The following ITPR1 variants were observed in gnomAD, a reference collection of about 807,000 sequenced individuals.
ITPR1 encodes inositol 1,4,5-trisphosphate receptor type 1.
A neutral mutation model predicts 318.4 loss-of-function variants in ITPR1; 96 were observed. The ratio of observed to expected loss-of-function variants is 0.30; its 90% CI spans 0.26 to 0.36. ITPR1 has a LOEUF of 0.36. Ranked by LOEUF, ITPR1 falls within the 10% of genes least tolerant of loss-of-function variation. ITPR1 has a pLI of 1.00. For synonymous variants in ITPR1, 1,312 were observed against 1,289.9 expected, an observed-to-expected ratio of 1.02 and a Z score of -0.37; for missense variants, 2,440 against 3,460.2, an observed-to-expected ratio of 0.71 and a Z score of 7.40.
intron 2 of ITPR1, among the ~76,000 whole-genome samples, chr3:4,498,053 G>A (rs1482718457): frequency 6.6e-6 from 1 of 152,152 alleles, no homozygotes; most frequent in Admixed American, 6.5e-5. Context: ...AAGACAGGAA[G>A]GGGGAGTTAG....
At chr3:4,646,585 G>A (rs181672868) in intron 10 of ITPR1, among the ~76,000 whole-genome samples, 218 of 152,300 alleles carry the variant, frequency 1.4e-3, no homozygotes, top group South Asian at 2.5e-3. Flanking sequence ...TATGGGCAGG[G>A]GAGAAATTTG....
intron 44 of ITPR1, among the ~76,000 whole-genome samples, chr3:4,748,445 A>AT (rs34606150): frequency 0.53 from 79,934 of 151,344 alleles, 21,992 homozygotes; most frequent in East Asian, 0.97. Context: ...ATGGAAGCAC[A>AT]TTTTTTTTTA....
chr3:4,496,844 A>G (rs1575299321), intron 2 of ITPR1, among the ~76,000 whole-genome samples: 1 of 152,336 alleles, frequency 6.6e-6, no homozygotes, highest in East Asian at 1.9e-4. Context: ...TTAGAAAACA[A>G]ACAAAAATAA....
chr3:4,715,052 T>C (rs2041664613), intron 39 of ITPR1, among the ~76,000 whole-genome samples: 1 of 152,262 alleles, frequency 6.6e-6, no homozygotes, highest in South Asian at 2.1e-4. Context: ...GCCTCAGAGA[T>C]AGATACCACT....
chr3:4,571,753 C>G (rs572661788), intron 4 of ITPR1, among the ~76,000 whole-genome samples: 5 of 152,166 alleles, frequency 3.3e-5, no homozygotes, highest in Admixed American at 6.5e-5. Flanking sequence ...ATAAACAGAA[C>G]AGGGAAGCTC....
intron 3 of ITPR1, among the ~76,000 whole-genome samples, chr3:4,516,809 T>TA (rs770468426): frequency 6.6e-6 from 1 of 152,246 alleles, no homozygotes. Context: ...TTTAGGACAC[T>TA]ATTCTGAGTT....
chr3:4,815,297 T>A, intron 59 of ITPR1, 79 bp downstream of exon 59: 1 of 1,417,206 alleles, frequency 7.1e-7, no homozygotes, highest in Non-Finnish European at 9.7e-7. Context: ...GAGGGTGTGA[T>A]GGGCGGGGTG....
At chr3:4,569,115 T>C (rs537875500) in intron 4 of ITPR1, among the ~76,000 whole-genome samples, 85 of 152,272 alleles carry the variant, frequency 5.6e-4, no homozygotes, top group African/African-American at 2.0e-3. Context: ...TGGAGACAAA[T>C]ATCCAAACTC....
chr3:4,563,330 A>G (rs1017184932), intron 4 of ITPR1, among the ~76,000 whole-genome samples: 1 of 152,058 alleles, frequency 6.6e-6, no homozygotes, highest in Admixed American at 6.5e-5. Flanking sequence ...CAACATAGGG[A>G]CACCGTACGT....
chr3:4,801,226 T>C (rs986553226), intron 54 of ITPR1, among the ~76,000 whole-genome samples: 3 of 152,184 alleles, frequency 2.0e-5, no homozygotes, highest in Non-Finnish European at 2.9e-5. Context: ...GGAGAAAATT[T>C]GGACATGTGA....
At position 4,813,201 on chromosome 3, in the gene ITPR1, G is replaced by A. The variant is rs868822649; in HGVS notation, c.7528G>A (p.Gly2510Arg). The A allele has an allele frequency of 1.2e-5, 20 of 1,613,468 alleles. No individual in the cohort carries two copies. Among genetic ancestry groups the A allele is most frequent in the African/African-American group, 1.2e-4 (9 of 74,894 alleles). ...CTCCGATGTGTGTAGGGTGGAGAGT[G>A]GGGAGAACTGCTCCTCTCCTGCACC... ...LFSDVCRVES[G>R]ENCSSPAPRE... is the part of the protein sequence containing the mutation. The change falls in exon 57 of 62, where the codon GGG (glycine) becomes AGG (arginine). Residue 2510 changes from glycine to arginine, a missense_variant. Around this residue, in one of 23 missense-constraint regions of ITPR1, gnomAD observed 88 missense variants for 90.5 expected, o/e 0.97. Coordinates refer to ENST00000649015, the MANE Select transcript of ITPR1 (RefSeq NM_001378452.1).
intron 10 of ITPR1, among the ~76,000 whole-genome samples, chr3:4,649,257 A>G (rs2093538913): frequency 1.3e-5 from 2 of 152,230 alleles, no homozygotes; most frequent in African/African-American, 2.4e-5. Flanking sequence ...ATATTTTTGC[A>G]TAGTTGATAC....
rs546069993 is a variant in ITPR1 at position 4,555,884 on chromosome 3, A to G, written c.163+34790A>G. On this transcript the variant is annotated intron_variant, in intron 4 of 61. Coordinates refer to ENST00000649015, the MANE Select transcript of ITPR1 (RefSeq NM_001378452.1). Reference sequence around the variant, plus strand: ...GTCTGTCTTATAGATGAAGAAACTGAGGCAGGAAGAAATTAAACCATCTGC... The same window carrying G: ...GTCTGTCTTATAGATGAAGAAACTGGGGCAGGAAGAAATTAAACCATCTGC... 1.8e-4 allele frequency among the ~76,000 whole-genome samples: 28 copies of G among 152,314 alleles called. 1 individual carries two copies. The South Asian group carries it at 3.5e-3, about 19-fold the overall frequency.
At chr3:4,696,776 T>G (rs1011975113) in intron 33 of ITPR1, among the ~76,000 whole-genome samples, 1 of 150,812 alleles carries the variant, frequency 6.6e-6, no homozygotes, top group Non-Finnish European at 1.5e-5. Context: ...TAAGCACAGA[T>G]CTAGGGGCAT....
chr3:4,761,115 G>T (rs1193259439), intron 44 of ITPR1, among the ~76,000 whole-genome samples: 2 of 152,082 alleles, frequency 1.3e-5, no homozygotes, highest in African/African-American at 4.8e-5. Flanking sequence ...CCCTCCAGAG[G>T]CAACCACCAT....
At chr3:4,535,724 T>G (rs1417418280) in intron 4 of ITPR1, among the ~76,000 whole-genome samples, 1 of 151,978 alleles carries the variant, frequency 6.6e-6, no homozygotes, top group African/African-American at 2.4e-5. Flanking sequence ...GGATTAGAGG[T>G]GTGAGTCACC....
chr3:4,735,244 G>A lies in ITPR1; in HGVS notation c.5434G>A (p.Ala1812Thr). 2.5e-6 allele frequency: 4 copies of A among 1,613,928 alleles called. No individual in the cohort carries two copies. Among genetic ancestry groups the A allele is most frequent in the South Asian group, 1.1e-5 (1 of 91,078 alleles). Residue 1812 changes from alanine to threonine, a missense_variant, in exon 44 of 62, where the codon GCT (alanine) becomes ACT (threonine). Around this residue, in one of 23 missense-constraint regions of ITPR1, gnomAD observed 80 missense variants for 122.0 expected, o/e 0.66. Coordinates refer to ENST00000649015, the MANE Select transcript of ITPR1 (RefSeq NM_001378452.1). The part of the protein sequence containing the change: ...EVQCHLDKEG[A>T]SNLVIDLIMN... Reference sequence around the variant, plus strand: ...TCAGTGTCACCTTGACAAGGAGGGGGCTTCCAATCTAGTTATCGACCTCAT... The same window carrying A: ...TCAGTGTCACCTTGACAAGGAGGGGACTTCCAATCTAGTTATCGACCTCAT...
intron 5 of ITPR1, among the ~76,000 whole-genome samples, chr3:4,632,990 G>C (rs990209867): frequency 1.8e-4 from 24 of 136,816 alleles, no homozygotes; most frequent in African/African-American, 6.7e-4. Context: ...CCAGGCTGGA[G>C]TGTAGTGGCA....
At chr3:4,651,397 T>A (rs748332708) in intron 10 of ITPR1, among the ~76,000 whole-genome samples, 24 of 152,176 alleles carry the variant, frequency 1.6e-4, no homozygotes, top group Non-Finnish European at 3.2e-4. Context: ...ATGAGCTTCA[T>A]GCCCTTAGCT....
Sources: gnomAD v4.1 joint callset for allele counts (sites outside exome capture counted in the v4.1 genomes callset) on GRCh38, gnomAD v4.1.1 for gene constraint, gnomAD v4.1.1 regional missense constraint, MANE v1.5 for transcripts, NCBI Gene and HGNC (gene_info 2026-07-23, HGNC 2026-07-21) for gene names.